Variants in GUCY2F observed in about 807,000 individuals in gnomAD.
GUCY2F encodes the protein guanylate cyclase 2F, retinal.
GUCY2F carries 61 observed loss-of-function variants against 73.1 expected under a neutral mutation model. That is an observed-to-expected ratio of 0.83 (90% CI 0.68 to 1.03). GUCY2F has a LOEUF of 1.03. Among genes scored for constraint, GUCY2F ranks in the 50% least tolerant of loss-of-function variants. The probability of loss-of-function intolerance (pLI) is 0.00; values close to 1 mark genes in which losing one functional copy is unlikely to be tolerated. For synonymous variants in GUCY2F, 331 were observed against 307.8 expected (o/e 1.08, Z -0.79); for missense variants, 912 against 854.3 (o/e 1.07, Z -0.84).
At chrX:109,397,836 ATT>A (rs77814407) in intron 11 of GUCY2F, among the ~76,000 whole-genome samples, 1,584 of 99,025 alleles carry the variant, frequency 0.016, 39 homozygotes, top group African/African-American at 0.055. Context: ...GAGGTTATGT[ATT>A]TTTTTTTTTT....
chrX:109,383,207 A>T (rs7876375), intron 16 of GUCY2F, among the ~76,000 whole-genome samples: 1 of 111,487 alleles, frequency 9.0e-6, no homozygotes, highest in Non-Finnish European at 1.9e-5. Context: ...TACTCAAAAA[A>T]GGTTGACCTA....
chrX:109,395,467 C>T lies in GUCY2F; in HGVS notation c.2298G>A (p.Lys766=). 1 of 1,199,802 alleles carries T rather than the reference C, an allele frequency of 8.3e-7. No homozygotes were observed. The highest frequency in any genetic ancestry group is 1.1e-6 in the Non-Finnish European group (1 of 885,994). Residue 766 remains lysine (K), a synonymous_variant, in exon 12 of 20, where the codon AAG becomes AAA. Transcript: ENST00000218006. ...CTACTGGTCTGTACACAGGAGGAGG[C>T]TTCTTAAGTCTGTTTATGATTTCTG... The part of the protein sequence containing the change: ...PAQEIINRLK[K]PPPVYRPVVP...
Position 109,430,333 on chromosome X carries a change from AT to A in GUCY2F, c.1764del (p.Lys588AsnfsTer10). 8.9e-7 allele frequency: 1 copy of A among 1,117,426 alleles called. No individual in the cohort carries two copies. The highest frequency in any genetic ancestry group is 1.2e-6 in the Non-Finnish European group (1 of 809,363). 92.1% of individuals were successfully genotyped at this position (1,117,426 alleles called of 1,213,427 possible). A position where few individuals can be genotyped will look rare whatever the true frequency, so the allele number is the denominator to read the frequency against. Reference protein sequence around the residue: ...LGDFGDLKSIKSRASDVFEMM... With the variant: ...LGDFGDLKSIXSRASDVFEMM... ...ATTTCGAACACATCACTTGCTCTTG[AT>A]TTGATGGACTTAAGGTCTCCAAAAT... is the stretch of plus-strand genomic sequence containing the variant. On this transcript the variant is annotated frameshift_variant, in exon 8 of 20. Transcript: ENST00000218006. LOFTEE classifies it high-confidence loss of function.
chrX:109,418,582 A>G (rs965185342), intron 8 of GUCY2F, among the ~76,000 whole-genome samples: 5 of 112,083 alleles, frequency 4.5e-5, no homozygotes, highest in African/African-American at 1.6e-4. Context: ...TAATGAAATC[A>G]TAATTACTTC....
intron 3 of GUCY2F, among the ~76,000 whole-genome samples, chrX:109,458,614 C>T (rs982150720): frequency 1.5e-4 from 17 of 110,995 alleles, no homozygotes; most frequent in Middle Eastern, 4.6e-3. Context: ...GATCCAATTT[C>T]CTTAGCACCT....
chrX:109,437,885 A>G (rs935635650), intron 7 of GUCY2F, among the ~76,000 whole-genome samples: 2 of 112,644 alleles, frequency 1.8e-5, no homozygotes. Flanking sequence ...TGATTACCCT[A>G]TCTTAGGTCT....
Position 109,442,896 on chromosome X carries a change from C to T in GUCY2F, c.1570-1414G>A, listed in dbSNP as rs111606649. ...CTGTATATTGAGATATAGACCTCTCCATGAAGGGCAAAGGAGAAAGTGAGA... is the reference window on the plus strand; with the variant it reads ...CTGTATATTGAGATATAGACCTCTCTATGAAGGGCAAAGGAGAAAGTGAGA... On this transcript the variant is annotated intron_variant, in intron 6 of 19. Transcript: ENST00000218006. 1.8e-4 allele frequency among the ~76,000 whole-genome samples: 20 copies of T among 111,904 alleles called. 1 individual carries two copies. The highest frequency in any genetic ancestry group is 6.2e-4 in the African/African-American group (19 of 30,864).
At position 109,455,645 on chromosome X, in the gene GUCY2F, C is replaced by T. The variant is rs370478028; in HGVS notation, c.1033-1786G>A. Among the ~76,000 whole-genome samples the T allele has an allele frequency of 2.7e-3, 300 of 111,220 alleles. 1 individual carries two copies. Among genetic ancestry groups the T allele is most frequent in the African/African-American group, 9.4e-3 (289 of 30,641 alleles). On this transcript the variant is annotated intron_variant, in intron 3 of 19. Coordinates refer to ENST00000218006, the MANE Select transcript of GUCY2F (RefSeq NM_001522.3). ...TAGCCTGTTTAAGGGTTCTTCATCT[C>T]GCTGACGTCTCTCTTCATACTGGAG... is the stretch of plus-strand genomic sequence containing the variant.
intron 2 of GUCY2F, among the ~76,000 whole-genome samples, chrX:109,469,852 G>A (rs760181675): frequency 9.0e-6 from 1 of 111,471 alleles, no homozygotes; most frequent in Non-Finnish European, 1.9e-5. Flanking sequence ...ATCCCCAACT[G>A]TGACTCAGTG....
chrX:109,435,083 T>G (rs1400140837), intron 7 of GUCY2F, among the ~76,000 whole-genome samples: 11 of 111,297 alleles, frequency 9.9e-5, no homozygotes, highest in African/African-American at 2.3e-4. Context: ...TTTGTTCTTT[T>G]GGCTTAGGAT....
chrX:109,405,623 C>T (rs1271523590), intron 9 of GUCY2F, among the ~76,000 whole-genome samples: 1 of 111,506 alleles, frequency 9.0e-6, no homozygotes, highest in Non-Finnish European at 1.9e-5. Flanking sequence ...TTCTTTTCAC[C>T]CTGTGCTCTT....
intron 10 of GUCY2F, among the ~76,000 whole-genome samples, chrX:109,399,347 A>G (rs1340689551): frequency 8.9e-6 from 1 of 112,396 alleles, no homozygotes; most frequent in Non-Finnish European, 1.9e-5. Context: ...TGCACCCCTA[A>G]CTGCAATAAA....
chrX:109,475,912 A>G lies in GUCY2F; in HGVS notation c.25T>C (p.Ser9Pro), dbSNP rs749186700. Reference sequence around the variant, plus strand: ...GCCGCAAACCAGAGAACAAGGCGAGAAAAGCGCCCGAGTCCCAGGAACATA... The same window carrying G: ...GCCGCAAACCAGAGAACAAGGCGAGGAAAGCGCCCGAGTCCCAGGAACATA... MFLGLGRF[S>P]RLVLWFAAFR... is the part of the protein sequence containing the mutation. Residue 9 changes from serine (S) to proline (P), a missense_variant, in exon 2 of 20, where the codon TCT becomes CCT. Transcript: ENST00000218006. The G allele has an allele frequency of 3.3e-6, 4 of 1,206,770 alleles. No homozygotes were observed. Among genetic ancestry groups the G allele is most frequent in the Non-Finnish European group, 4.5e-6 (4 of 893,386 alleles).
At chrX:109,433,369 AAGAGATTAAGTGACTGTCCCAAGGTC>A (rs1323906091) in intron 7 of GUCY2F, among the ~76,000 whole-genome samples, 1 of 112,158 alleles carries the variant, frequency 8.9e-6, no homozygotes, top group Non-Finnish European at 1.9e-5. Context: ...CTGAAAACTT[AAGAGATTAAGTGACTGTCCCAAGGTC>A]AGAAAACTAG....
Position 109,433,617 on chromosome X carries a change from A to C in GUCY2F, c.1702-3221T>G, listed in dbSNP as rs751858723. On this transcript the variant is annotated intron_variant, in intron 7 of 19. Transcript: ENST00000218006. ...AAAAGGGAGGAAATGGGCAAGTTTT[A>C]TCTTCACCACACATGCACTATTTGT... Among the ~76,000 whole-genome samples, 16 of 112,444 alleles carry C rather than the reference A, an allele frequency of 1.4e-4. No individual in the cohort carries two copies. The Admixed American group carries it at 1.5e-3, about 11-fold the overall frequency.
At chrX:109,453,995 T>A (rs1178615937) in intron 3 of GUCY2F, 136 bp from the exon 4 acceptor site, 1 of 378,099 alleles carries the variant, frequency 2.6e-6, no homozygotes, top group East Asian at 4.2e-5. Flanking sequence ...AGGAAAAAAA[T>A]TGTTTCTAAG....
chrX:109,404,955 G>A, intron 9 of GUCY2F, among the ~76,000 whole-genome samples: 1 of 112,414 alleles, frequency 8.9e-6, no homozygotes, highest in East Asian at 2.8e-4. Flanking sequence ...ATGCTTGCAT[G>A]TATACACAAA....
chrX:109,389,916 A>G (rs948817382), intron 14 of GUCY2F, among the ~76,000 whole-genome samples: 6 of 111,677 alleles, frequency 5.4e-5, no homozygotes, highest in Non-Finnish European at 7.5e-5. Flanking sequence ...CTTTCAATCT[A>G]TAGGACTTTC....
chrX:109,457,141 T>C (rs1472064302), intron 3 of GUCY2F, among the ~76,000 whole-genome samples: 1 of 112,364 alleles, frequency 8.9e-6, no homozygotes, highest in Non-Finnish European at 1.9e-5. Context: ...GAATGATAAT[T>C]AAAACATATC....
Sources: gnomAD v4.1 joint callset for allele counts (sites outside exome capture counted in the v4.1 genomes callset) on GRCh38, gnomAD v4.1.1 for gene constraint, MANE v1.5 for transcripts, NCBI Gene and HGNC (gene_info 2026-07-23, HGNC 2026-07-21) for gene names.